The following CEP57 variants were observed in gnomAD, a reference collection of about 807,000 sequenced individuals.
The protein encoded by CEP57 is centrosomal protein of 57 kDa.
A neutral mutation model predicts 68.0 loss-of-function variants in CEP57; 40 were observed. The ratio of observed to expected loss-of-function variants is 0.59; its 90% CI spans 0.46 to 0.77. The LOEUF (loss-of-function observed/expected upper bound fraction) is 0.77, where lower values mean the gene tolerates loss of function less well. CEP57 is among the 30% of genes least tolerant of loss of function. CEP57 has a pLI of 0.00. For synonymous variants in CEP57, 219 were observed against 198.7 expected, an observed-to-expected ratio of 1.10 and a Z score of -0.86; for missense variants, 606 against 580.7, an observed-to-expected ratio of 1.04 and a Z score of -0.45.
chr11:95,823,958 A>G (rs1862625302), intron 8 of CEP57, among the ~76,000 whole-genome samples: 4 of 152,142 alleles, frequency 2.6e-5, no homozygotes, highest in Admixed American at 1.3e-4. Context: ...GAAGCAGACA[A>G]AAGTCATGAC....
At chr11:95,795,736 C>T (rs532070622) in intron 1 of CEP57, among the ~76,000 whole-genome samples, 21 of 152,222 alleles carry the variant, frequency 1.4e-4, no homozygotes, top group Admixed American at 1.0e-3. Flanking sequence ...TGTTGACGAT[C>T]GTATTGATAT....
rs150303764 is a variant in CEP57, at chr11:95,827,779, C to A, written c.886-7C>A. ...AATTACTTCTTTCATCATTTTTCTT[C>A]CTTTAGTCCACAAGCCCTAGCCATG... On this transcript the variant is annotated splice_region_variant and splice_polypyrimidine_tract_variant and intron_variant, in intron 8 of 10. Transcript: ENST00000325542. 106 of 1,613,858 alleles carry A rather than the reference C, an allele frequency of 6.6e-5. No homozygotes were observed. The African/African-American group carries it at 1.3e-3, about 19-fold the overall frequency.
At chr11:95,811,186 A>T (rs1312210384) in intron 2 of CEP57, among the ~76,000 whole-genome samples, 1 of 152,180 alleles carries the variant, frequency 6.6e-6, no homozygotes, top group Non-Finnish European at 1.5e-5. Flanking sequence ...GAACCAGCCT[A>T]AATGTCCATC....
intron 6 of CEP57, 128 bp from the exon 7 acceptor site, chr11:95,821,743 A>C: frequency 1.5e-6 from 1 of 672,768 alleles, no homozygotes; most frequent in Non-Finnish European, 2.7e-6. Context: ...ACATAGTTAT[A>C]CAGCTGTAAT....
At position 95,799,224 on chromosome 11, in the gene CEP57, T is replaced by A. The variant is rs755051766; in HGVS notation, c.46-8T>A. 1.9e-5 allele frequency: 31 copies of A among 1,613,836 alleles called. No individual in the cohort carries two copies. The highest frequency in any genetic ancestry group is 2.7e-5 in the African/African-American group (2 of 74,928). On this transcript the variant is annotated splice_polypyrimidine_tract_variant and splice_region_variant and intron_variant, in intron 1 of 10. Transcript: ENST00000325542. The stretch of plus-strand genomic sequence containing the variant: ...TTTTGAAAGGTAATTTGTGTCTTTA[T>A]TTTTTAGAACAGCTTTGCTGAGCCA...
chr11:95,804,602 TA>T (rs1374979830), intron 2 of CEP57, among the ~76,000 whole-genome samples: 3 of 152,116 alleles, frequency 2.0e-5, no homozygotes, highest in Non-Finnish European at 4.4e-5. Context: ...AGAGACTGGA[TA>T]AAAAAAGTCA....
intron 4 of CEP57, among the ~76,000 whole-genome samples, chr11:95,813,970 C>G (rs1862187841): frequency 6.6e-6 from 1 of 152,208 alleles, no homozygotes; most frequent in Non-Finnish European, 1.5e-5. Flanking sequence ...CATTTTTGTG[C>G]TTTCTTACAC....
In CEP57 at chr11:95,829,229, C is replaced by A; in HGVS notation, c.1170C>A (p.Thr390=). Residue 390 remains threonine (T), a synonymous_variant, in exon 10 of 11, where the codon ACC becomes ACA. Transcript: ENST00000325542. ...QLAKLIQESP[T]VELKDKLECE... is the part of the protein sequence containing the mutation. ...CAAAACTTATCCAGGAGTCGCCAACCGTTGAACTGAAAGACAAGTTGGAGT... is the reference window on the plus strand; with the variant it reads ...CAAAACTTATCCAGGAGTCGCCAACAGTTGAACTGAAAGACAAGTTGGAGT... 1 of 1,613,820 alleles carries A rather than the reference C, an allele frequency of 6.2e-7. No individual in the cohort carries two copies. The highest frequency in any genetic ancestry group is 8.5e-7 in the Non-Finnish European group (1 of 1,179,946).
chr11:95,822,695 G>GGATCATGCCTTTACCAGTGTGTA, intron 8 of CEP57, 119 bp downstream of exon 8: 1 of 866,072 alleles, frequency 1.2e-6, no homozygotes, highest in Non-Finnish European at 1.9e-6. Flanking sequence ...ACCAGTGTGT[G>GGATCATGCCTTTACCAGTGTGTA]GATCACAGTG....
At chr11:95,817,227 C>T (rs1032011947) in intron 4 of CEP57, among the ~76,000 whole-genome samples, 3 of 151,470 alleles carry the variant, frequency 2.0e-5, no homozygotes, top group Non-Finnish European at 2.9e-5. Flanking sequence ...ATTAGCCGGG[C>T]GTGGTGGCGG....
At chr11:95,813,201 A>G in intron 3 of CEP57, 90 bp downstream of exon 3, 1 of 1,321,908 alleles carries the variant, frequency 7.6e-7, no homozygotes. Flanking sequence ...AGTGTTTTGT[A>G]GCGGTATCTT....
chr11:95,809,951 A>G (rs1036992009), intron 2 of CEP57, among the ~76,000 whole-genome samples: 1 of 152,246 alleles, frequency 6.6e-6, no homozygotes, highest in African/African-American at 2.4e-5. Flanking sequence ...AAAATCCTCA[A>G]TAAAATACTG....
At position 95,811,817 on chromosome 11, in the gene CEP57, A is replaced by C. The variant is rs148158905; in HGVS notation, c.203-1115A>C. Among the ~76,000 whole-genome samples, 272 of 152,290 alleles carry C rather than the reference A, an allele frequency of 1.8e-3. 1 individual carries two copies. Among genetic ancestry groups the C allele is most frequent in the African/African-American group, 6.4e-3 (265 of 41,570 alleles). On this transcript the variant is annotated intron_variant, in intron 2 of 10. Coordinates refer to ENST00000325542, the MANE Select transcript of CEP57 (RefSeq NM_014679.5). ...AGGAGTAGCATATTTTTCTCATTAG[A>C]ATGGCTATGATTCTTCTTTGACCCA...
chr11:95,810,589 C>T (rs1862014335), intron 2 of CEP57, among the ~76,000 whole-genome samples: 1 of 152,162 alleles, frequency 6.6e-6, no homozygotes, highest in Non-Finnish European at 1.5e-5. Context: ...AGTGAACTCT[C>T]ATTCACAATT....
chr11:95,830,943 G>T (rs1862975683), intron 10 of CEP57, 83 bp from the exon 11 acceptor site: 1 of 1,011,500 alleles, frequency 9.9e-7, no homozygotes, highest in Non-Finnish European at 1.5e-6. Context: ...CCAAAAAAAG[G>T]TACTCTTGTA....
At position 95,822,690 on chromosome 11, in the gene CEP57, T is replaced by C. The variant is rs1282267809; in HGVS notation, c.885+114T>C. The C allele has an allele frequency of 3.2e-6, 3 of 928,026 alleles. No individual in the cohort carries two copies. In the Middle Eastern group the frequency reaches 6.3e-4, roughly 195 times the overall value. 57.5% of individuals were successfully genotyped at this position (928,026 alleles called of 1,614,324 possible). On this transcript the variant is annotated intron_variant, in intron 8 of 10. Coordinates refer to ENST00000325542, the MANE Select transcript of CEP57 (RefSeq NM_014679.5). ...GAACATTTTTCTGTGCCTTTACCAG[T>C]GTGTGGATCACAGTGATGTGAAAAT...
chr11:95,829,072 CA>C, intron 9 of CEP57, 114 bp from the exon 10 acceptor site: 1 of 1,088,434 alleles, frequency 9.2e-7, no homozygotes, highest in Non-Finnish European at 1.4e-6. Context: ...TTGCTCTGTT[CA>C]AAAAATGGAG....
At chr11:95,790,241 CTTTTG>C (rs775047609), upstream of CEP57, 15 of 195,860 alleles carry the variant, frequency 7.7e-5, no homozygotes, top group Non-Finnish European at 1.1e-4. Flanking sequence ...TTCGCCTTCG[CTTTTG>C]TTTTATCTCC....
At position 95,813,537 on chromosome 11, in the gene CEP57, G is replaced by A. The variant is rs774404375; in HGVS notation, c.452G>A (p.Arg151Gln). The A allele has an allele frequency of 5.6e-6, 9 of 1,613,094 alleles. No individual in the cohort carries two copies. The highest frequency in any genetic ancestry group is 2.2e-5 in the East Asian group (1 of 44,836). ...TTAGAAAAACAATTGGAATACATGC[G>A]AAATATGATAAAGCATGCCGAAATG... ...NLLEKQLEYM[R>Q]NMIKHAEMER... The change falls in exon 4 of 11, where the codon CGA (arginine) becomes CAA (glutamine). Residue 151 changes from arginine to glutamine, a missense_variant. Arg to Gln is a conservative substitution (Grantham distance 43). Transcript: ENST00000325542.
Sources: allele counts gnomAD v4.1 joint callset (sites outside exome capture counted in the v4.1 genomes callset), GRCh38; gene constraint gnomAD v4.1.1; transcripts MANE v1.5; gene names NCBI Gene and HGNC (gene_info 2026-07-23, HGNC 2026-07-21).